The following PMFBP1 variants were observed in gnomAD, a reference collection of about 807,000 sequenced individuals.
PMFBP1 encodes the protein polyamine-modulated factor 1-binding protein 1.
In PMFBP1, 131 loss-of-function variants were observed where a neutral mutation model predicts 137.8. That is an observed-to-expected ratio of 0.95 (90% CI 0.82 to 1.10). PMFBP1 has a LOEUF of 1.10. PMFBP1 is among the 50% of genes least tolerant of loss of function. The pLI, the probability that PMFBP1 is intolerant of heterozygous loss-of-function variation, is 0.00. For missense variants in PMFBP1, 1,199 were observed against 1,175.4 expected (o/e 1.02, Z -0.29); for synonymous variants, 490 against 450.4 (o/e 1.09, Z -1.11).
chr16:72,175,812 T>C (rs1459555846), upstream of PMFBP1, among the ~76,000 whole-genome samples: 1 of 152,192 alleles, frequency 6.6e-6, no homozygotes, highest in Non-Finnish European at 1.5e-5. Context: ...CTCTTAATTA[T>C]TGAAATGATG....
the PMFBP1 span, among the ~76,000 whole-genome samples, chr16:72,247,798 G>T: frequency 6.6e-6 from 1 of 152,070 alleles, no homozygotes; most frequent in African/African-American, 2.4e-5. Flanking sequence ...GAGATTTTAT[G>T]TATATCTCTT....
At chr16:72,203,368 A>G in the PMFBP1 span, among the ~76,000 whole-genome samples, 124 of 152,320 alleles carry the variant, frequency 8.1e-4, no homozygotes, top group African/African-American at 2.9e-3. Flanking sequence ...TGGAGGTGAA[A>G]TGGATTTCCA....
the PMFBP1 span, among the ~76,000 whole-genome samples, chr16:72,218,973 C>A: frequency 6.6e-6 from 1 of 152,028 alleles, no homozygotes. Context: ...TCATCATGTA[C>A]TGTGGATCTT....
chr16:72,126,462 T>C (rs908990109), intron 14 of PMFBP1, among the ~76,000 whole-genome samples: 9 of 152,210 alleles, frequency 5.9e-5, no homozygotes, highest in Admixed American at 1.3e-4. Flanking sequence ...TGGAATCCGA[T>C]TTGAGGTTAG....
At chr16:72,118,988 A>G, downstream of PMFBP1, 1 of 220,048 alleles carries the variant, frequency 4.5e-6, no homozygotes, top group Non-Finnish European at 8.9e-6. Flanking sequence ...TTCCCTGTAT[A>G]TGGAAGAGAC....
the PMFBP1 span, among the ~76,000 whole-genome samples, chr16:72,204,004 T>C: frequency 1.3e-5 from 2 of 152,298 alleles, no homozygotes; most frequent in Admixed American, 1.3e-4. Context: ...TCTGCCTCTG[T>C]GCCACGCTCA....
chr16:72,211,554 A>T, the PMFBP1 span, among the ~76,000 whole-genome samples: 21 of 152,328 alleles, frequency 1.4e-4, no homozygotes, highest in Non-Finnish European at 2.6e-4. Context: ...ACAAAAATAG[A>T]CAAACAGAAA....
At chr16:72,134,444 A>G (rs1269830243) in intron 9 of PMFBP1, among the ~76,000 whole-genome samples, 1 of 152,214 alleles carries the variant, frequency 6.6e-6, no homozygotes, top group Non-Finnish European at 1.5e-5. Flanking sequence ...TTGGCCTCCC[A>G]AAGTTCTGAG....
At chr16:72,152,701 C>T (rs935398508) in intron 4 of PMFBP1, among the ~76,000 whole-genome samples, 2 of 151,858 alleles carry the variant, frequency 1.3e-5, no homozygotes, top group Non-Finnish European at 2.9e-5. Flanking sequence ...AAAAATTAGC[C>T]GGGTGTGGTG....
At chr16:72,176,577 C>T (rs1244622000), upstream of PMFBP1, among the ~76,000 whole-genome samples, 1 of 152,200 alleles carries the variant, frequency 6.6e-6, no homozygotes, top group Non-Finnish European at 1.5e-5. Context: ...GTTCTTCCCA[C>T]CTTTCTAATG....
intron 4 of PMFBP1, among the ~76,000 whole-genome samples, chr16:72,153,934 AC>A (rs2042941432): frequency 2.0e-5 from 3 of 148,760 alleles, no homozygotes; most frequent in Non-Finnish European, 4.4e-5. Flanking sequence ...ACACACACAC[AC>A]ACACACACAC....
upstream of PMFBP1, among the ~76,000 whole-genome samples, chr16:72,178,083 G>C (rs965631030): frequency 6.6e-6 from 1 of 152,058 alleles, no homozygotes; most frequent in African/African-American, 2.4e-5. Flanking sequence ...TGTAGAGACA[G>C]GTTTTCACCA....
the PMFBP1 span, among the ~76,000 whole-genome samples, chr16:72,193,998 T>A: frequency 2.0e-5 from 3 of 151,240 alleles, no homozygotes; most frequent in South Asian, 2.1e-4. Flanking sequence ...TTTTTTTTTT[T>A]AATTTGGTAA....
chr16:72,139,087 C>A (rs1175366234), intron 7 of PMFBP1, among the ~76,000 whole-genome samples: 1 of 152,182 alleles, frequency 6.6e-6, no homozygotes, highest in Non-Finnish European at 1.5e-5. Flanking sequence ...GAGACAGGTG[C>A]AGTTCCAAAA....
upstream of PMFBP1, among the ~76,000 whole-genome samples, chr16:72,178,105 C>T (rs1387988535): frequency 1.3e-5 from 2 of 152,122 alleles, no homozygotes; most frequent in African/African-American, 2.4e-5. Flanking sequence ...GTTGCCAAGG[C>T]TAGTCTCAAA....
downstream of PMFBP1, chr16:72,119,069 C>A: frequency 2.5e-6 from 1 of 399,558 alleles, no homozygotes; most frequent in South Asian, 5.5e-5. Context: ...GAAATGTCTG[C>A]TAGACGCCAA....
In PMFBP1 at chr16:72,129,083, T is replaced by C. The variant is rs771565823; in HGVS notation, c.1933A>G (p.Lys645Glu). 2 of 1,613,850 alleles carry C rather than the reference T, an allele frequency of 1.2e-6. No individual in the cohort carries two copies. Among genetic ancestry groups the C allele is most frequent in the Admixed American group, 1.7e-5 (1 of 59,932 alleles). ...GELEALRQEF[K>E]KKDKTLKENS... ...CCACTCACCGTCTTGTCTTTCTTTT[T>C]AAATTCCTGCCGCAAAGCTTCAAGT... Residue 645 changes from lysine (K) to glutamate (E), a missense_variant, in exon 13 of 21, where the codon AAA (lysine) becomes GAA (glutamate). Lys to Glu is a moderately conservative substitution (Grantham distance 56). Coordinates refer to ENST00000237353, the MANE Select transcript of PMFBP1 (RefSeq NM_031293.3).
At chr16:72,130,088 C>A in intron 12 of PMFBP1, 125 bp downstream of exon 12, 1 of 1,298,414 alleles carries the variant, frequency 7.7e-7, no homozygotes, top group Non-Finnish European at 1.1e-6. Context: ...CCCCTGGGCT[C>A]AAGTGATCTG....
the PMFBP1 span, among the ~76,000 whole-genome samples, chr16:72,196,446 G>A: frequency 3.9e-5 from 6 of 152,070 alleles, no homozygotes; most frequent in South Asian, 1.2e-3. Flanking sequence ...TCTGACATGT[G>A]CAGTTAGCAA....
Sources: allele counts gnomAD v4.1 joint callset (sites outside exome capture counted in the v4.1 genomes callset), GRCh38; gene constraint gnomAD v4.1.1; transcripts MANE v1.5; gene names NCBI Gene and HGNC (gene_info 2026-07-23, HGNC 2026-07-21).